SPTBN1: variants seen among roughly 807,000 people sequenced by gnomAD.
SPTBN1 encodes the protein spectrin beta, non-erythrocytic 1.
A neutral mutation model predicts 266.4 loss-of-function variants in SPTBN1; 32 were observed. The observed-to-expected ratio is 0.12, with a 90% CI of 0.09 to 0.16. The LOEUF is 0.16. Among genes scored for constraint, SPTBN1 ranks in the 10% least tolerant of loss-of-function variants. SPTBN1 has a pLI of 1.00. For missense variants in SPTBN1, 2,296 were observed against 3,067.1 expected (o/e 0.75, Z 5.94); for synonymous variants, 1,336 against 1,162.2 (o/e 1.15, Z -3.04).
At chr2:54,506,307 AGCAT>A (rs1669553205) in intron 1 of SPTBN1, among the ~76,000 whole-genome samples, 1 of 152,178 alleles carries the variant, frequency 6.6e-6, no homozygotes, top group African/African-American at 2.4e-5. Flanking sequence ...GGCACCCTTG[AGCAT>A]GGCTGCTCAG....
chr2:54,472,787 A>G (rs1307363915), intron 1 of SPTBN1, among the ~76,000 whole-genome samples: 1 of 152,192 alleles, frequency 6.6e-6, no homozygotes, highest in Non-Finnish European at 1.5e-5. Flanking sequence ...AAAATGCAGT[A>G]TTTGGGTTAA....
chr2:54,599,702 C>T (rs1389136862), intron 3 of SPTBN1, among the ~76,000 whole-genome samples: 2 of 152,194 alleles, frequency 1.3e-5, no homozygotes, highest in East Asian at 1.9e-4. Flanking sequence ...CTTCCCTGCA[C>T]GCTTTTTATT....
intron 1 of SPTBN1, among the ~76,000 whole-genome samples, chr2:54,472,014 C>T (rs1200066502): frequency 2.0e-4 from 26 of 129,560 alleles, no homozygotes; most frequent in Admixed American, 5.0e-4. Context: ...AACTGGGGCC[C>T]TGAAGATGTT....
chr2:54,462,758 A>C (rs886874754), intron 1 of SPTBN1, among the ~76,000 whole-genome samples: 4 of 152,254 alleles, frequency 2.6e-5, no homozygotes, highest in Non-Finnish European at 5.9e-5. Flanking sequence ...CTCCGGTCTC[A>C]GATCTAATTT....
chr2:54,492,341 G>T lies in SPTBN1; in HGVS notation c.-47-34031G>T, dbSNP rs79541129. Among the ~76,000 whole-genome samples the T allele has an allele frequency of 8.9e-3, 788 of 88,196 alleles. 48 individuals are homozygous for T. Among genetic ancestry groups the T allele is most frequent in the South Asian group, 0.028 (72 of 2,600 alleles). The allele number at this position is 88,196 out of a possible 152,430, so 57.9% of individuals were successfully genotyped here. A position where few individuals can be genotyped will look rare whatever the true frequency, so the allele number is the denominator to read the frequency against. The stretch of plus-strand genomic sequence containing the variant: ...CTGGACATTTAGTTTGTCTGCAGTT[G>T]TTTTTTTGTTTTTTTTTTTTTTTGC... On this transcript the variant is annotated intron_variant, in intron 1 of 35. Transcript: ENST00000356805.
chr2:54,630,396 G>A (rs1678651871), intron 15 of SPTBN1, among the ~76,000 whole-genome samples: 1 of 152,216 alleles, frequency 6.6e-6, no homozygotes, highest in South Asian at 2.1e-4. Flanking sequence ...ATTTGCCAAT[G>A]AAAGTCCTGA....
chr2:54,654,870 C>T (rs1304363536), intron 27 of SPTBN1, among the ~76,000 whole-genome samples, 200 bp from the exon 28 acceptor site: 1 of 152,234 alleles, frequency 6.6e-6, no homozygotes, highest in Non-Finnish European at 1.5e-5. Context: ...AGTTTGGTTA[C>T]CTGGCTGGTA....
At chr2:54,569,873 A>T (rs1673934261) in intron 2 of SPTBN1, among the ~76,000 whole-genome samples, 1 of 151,050 alleles carries the variant, frequency 6.6e-6, no homozygotes, top group South Asian at 2.1e-4. Context: ...GAGTGCCTCA[A>T]CTCCCACCCC....
chr2:54,503,531 T>G (rs1669388187), intron 1 of SPTBN1, among the ~76,000 whole-genome samples: 2 of 152,202 alleles, frequency 1.3e-5, no homozygotes, highest in South Asian at 4.1e-4. Context: ...TTTGAAAGTG[T>G]CCAAGGGTTA....
chr2:54,635,147 A>T (rs557641391), intron 17 of SPTBN1, among the ~76,000 whole-genome samples: 1 of 152,262 alleles, frequency 6.6e-6, no homozygotes, highest in Admixed American at 6.5e-5. Flanking sequence ...ACAGGGAGAG[A>T]AAGTGAGAGA....
intron 3 of SPTBN1, among the ~76,000 whole-genome samples, chr2:54,607,551 G>A (rs1676928217): frequency 6.6e-6 from 1 of 152,182 alleles, no homozygotes; most frequent in Admixed American, 6.5e-5. Flanking sequence ...GAACCCAGGA[G>A]GCAGAGATTG....
chr2:54,556,419 T>C (rs532400400), intron 2 of SPTBN1, among the ~76,000 whole-genome samples: 2 of 152,316 alleles, frequency 1.3e-5, no homozygotes, highest in South Asian at 2.1e-4. Context: ...AATTAAAAAT[T>C]ATTTCATGTA....
intron 2 of SPTBN1, among the ~76,000 whole-genome samples, chr2:54,578,436 A>G (rs529367342): frequency 3.9e-5 from 6 of 152,260 alleles, no homozygotes; most frequent in African/African-American, 1.4e-4. Flanking sequence ...AATAAAATGG[A>G]TAATCCCTGT....
In SPTBN1 at chr2:54,649,429, G is replaced by A; in HGVS notation, c.5203-186G>A. The A allele has an allele frequency of 9.7e-7, 1 of 1,032,036 alleles. No homozygotes were observed. The highest frequency in any genetic ancestry group is 1.4e-6 in the Non-Finnish European group (1 of 727,872). 63.9% of individuals were successfully genotyped at this position (1,032,036 alleles called of 1,614,324 possible). On this transcript the variant is annotated intron_variant, in intron 25 of 35. Transcript: ENST00000356805. This position sits in a 1 kb window ranked among gnomAD's most constrained non-coding sequence, Gnocchi z 6.7. ...GGTGGAGGTAGTGCCTCACTCTGCT[G>A]CAGTGAGCAAGAAAGGAAACCCAGT...
chr2:54,485,585 G>A (rs1422484598), intron 1 of SPTBN1, among the ~76,000 whole-genome samples: 11 of 152,206 alleles, frequency 7.2e-5, no homozygotes, highest in Admixed American at 2.0e-4. Flanking sequence ...CCAAAGTGCC[G>A]AGATTGCAGC....
intron 2 of SPTBN1, among the ~76,000 whole-genome samples, chr2:54,544,237 T>C (rs767184951): frequency 6.6e-6 from 1 of 152,188 alleles, no homozygotes; most frequent in Non-Finnish European, 1.5e-5. Context: ...CAGGCAGTAA[T>C]TGAAAGCTTC....
rs377116206 is a variant in SPTBN1 at position 54,506,493 on chromosome 2, A to C, written c.-47-19879A>C. On this transcript the variant is annotated intron_variant, in intron 1 of 35. Transcript: ENST00000356805. ...TCTACTTATAGTTTACATTTGAAAA[A>C]ATTTACCACTTGATGAACTGAGTAA... Among the ~76,000 whole-genome samples, 17 of 152,186 alleles carry C rather than the reference A, an allele frequency of 1.1e-4. No homozygotes were observed. In the East Asian group the frequency reaches 3.1e-3, roughly 28 times the overall value.
chr2:54,628,874 A>G lies in SPTBN1; in HGVS notation c.1799-59A>G. On this transcript the variant is annotated intron_variant, in intron 13 of 35. Coordinates refer to ENST00000356805, the MANE Select transcript of SPTBN1 (RefSeq NM_003128.3). This position sits in a 1 kb window ranked among gnomAD's most constrained non-coding sequence, Gnocchi z 4.3. ...GGGTGTAGCTTACTGCCTGCCAGTG[A>G]GCCTGCACCCATGCTGAGCTCCCTC... 6.6e-7 allele frequency: 1 copy of G among 1,522,792 alleles called. No individual in the cohort carries two copies. Among genetic ancestry groups the G allele is most frequent in the Non-Finnish European group, 8.8e-7 (1 of 1,137,872 alleles). The allele number at this position is 1,522,792 out of a possible 1,614,324, so 94.3% of individuals were successfully genotyped here.
intron 2 of SPTBN1, among the ~76,000 whole-genome samples, chr2:54,579,221 A>G (rs1244487226): frequency 6.6e-6 from 1 of 152,068 alleles, no homozygotes; most frequent in Non-Finnish European, 1.5e-5. Flanking sequence ...TTCTTAGCTC[A>G]TAGAAGGAGC....
Sources: allele counts gnomAD v4.1 joint callset (sites outside exome capture counted in the v4.1 genomes callset), GRCh38; gene constraint gnomAD v4.1.1; non-coding constraint Gnocchi (gnomAD v3.1); transcripts MANE v1.5; gene names NCBI Gene and HGNC (gene_info 2026-07-23, HGNC 2026-07-21).